Variants in ALDH1A1 observed in about 807,000 individuals in gnomAD.
ALDH1A1 encodes the protein aldehyde dehydrogenase 1A1.
In ALDH1A1, 19 loss-of-function variants were observed where a neutral mutation model predicts 62.1. The observed-to-expected ratio is 0.31, with a 90% CI of 0.21 to 0.45. The LOEUF is 0.45. Among genes scored for constraint, ALDH1A1 ranks in the 20% least tolerant of loss-of-function variants. The pLI, the probability that ALDH1A1 is intolerant of heterozygous loss-of-function variation, is 1.00. For missense variants in ALDH1A1, 521 were observed against 607.1 expected, an observed-to-expected ratio of 0.86 and a Z score of 1.49; for synonymous variants, 231 against 215.9, an observed-to-expected ratio of 1.07 and a Z score of -0.61.
intron 2 of ALDH1A1, among the ~76,000 whole-genome samples, chr9:72,939,665 G>A (rs936216495): frequency 6.6e-6 from 1 of 151,472 alleles, no homozygotes; most frequent in Non-Finnish European, 1.5e-5. Context: ...TTAGAGGCAT[G>A]TGCCACCATG....
rs556458275 is a variant in ALDH1A1 at position 72,943,130 on chromosome 9, A to G, written c.67-2878T>C. ...TTTTGTACCTGTAAACTAAGGGAAC[A>G]CAGATTTCATTTTGGCAGAGATCCA... On this transcript the variant is annotated intron_variant, in intron 1 of 12. Transcript: ENST00000297785. 1.9e-3 allele frequency among the ~76,000 whole-genome samples: 282 copies of G among 152,284 alleles called. 1 individual carries two copies. Among genetic ancestry groups the G allele is most frequent in the Middle Eastern group, 3.4e-3 (1 of 294 alleles).
At chr9:72,952,448 G>T (rs1830555176) in intron 1 of ALDH1A1, among the ~76,000 whole-genome samples, 1 of 151,930 alleles carries the variant, frequency 6.6e-6, no homozygotes, top group Non-Finnish European at 1.5e-5. Flanking sequence ...GAAGATTTTC[G>T]AATCCAATTA....
Position 72,905,951 on chromosome 9 carries a change from A to C in ALDH1A1, c.1433+7T>G, listed in dbSNP as rs201658437. On this transcript the variant is annotated splice_region_variant and intron_variant, in intron 12 of 12. Coordinates refer to ENST00000297785, the MANE Select transcript of ALDH1A1 (RefSeq NM_000689.5). ...AAATATTTATCTTAATAGAACGTTA[A>C]TCTTACAGTTCTCTTCCATTTCCAG... The C allele has an allele frequency of 1.3e-4, 215 of 1,595,802 alleles. No individual in the cohort carries two copies. Among genetic ancestry groups the C allele is most frequent in the Non-Finnish European group, 1.8e-4 (210 of 1,166,324 alleles).
chr9:72,935,853 C>T (rs1830340683), intron 2 of ALDH1A1, among the ~76,000 whole-genome samples: 1 of 152,152 alleles, frequency 6.6e-6, no homozygotes, highest in Non-Finnish European at 1.5e-5. Flanking sequence ...ATTAGGTTTA[C>T]TGTGACTATG....
Position 72,936,822 on chromosome 9 carries a change from CCT to C in ALDH1A1, c.171+3324_171+3325del, listed in dbSNP as rs561659017. Among the ~76,000 whole-genome samples, 150 of 152,182 alleles carry C rather than the reference CCT, an allele frequency of 9.9e-4. 1 individual carries two copies. Among genetic ancestry groups the C allele is most frequent in the African/African-American group, 3.3e-3 (136 of 41,512 alleles). Reference sequence around the variant, plus strand: ...TCTTAGGTGTCAAAACTCTTTGACCCCTGTTAAATGTTAACGCTTGAGAGGAG... The same window carrying C: ...TCTTAGGTGTCAAAACTCTTTGACCCGTTAAATGTTAACGCTTGAGAGGAG... On this transcript the variant is annotated intron_variant, in intron 2 of 12. Transcript: ENST00000297785.
At chr9:72,903,966 A>G (rs1471857642) in intron 12 of ALDH1A1, among the ~76,000 whole-genome samples, 1 of 152,110 alleles carries the variant, frequency 6.6e-6, no homozygotes, top group African/African-American at 2.4e-5. Context: ...CAGTAATAGA[A>G]AGAGAAGAAA....
At chr9:72,911,818 TC>T (rs1829994051) in intron 10 of ALDH1A1, 139 bp downstream of exon 10, 1 of 984,994 alleles carries the variant, frequency 1.0e-6, no homozygotes, top group Admixed American at 2.6e-5. Context: ...AACTTAAACC[TC>T]TATCAAGAAC....
At chr9:72,920,718 CA>C (rs1830129177) in intron 7 of ALDH1A1, among the ~76,000 whole-genome samples, 1 of 152,122 alleles carries the variant, frequency 6.6e-6, no homozygotes, top group African/African-American at 2.4e-5. Flanking sequence ...AAAGTCAAAA[CA>C]AAGAGACATT....
chr9:72,929,676 G>T (rs1442398896), intron 3 of ALDH1A1, among the ~76,000 whole-genome samples: 2 of 152,170 alleles, frequency 1.3e-5, no homozygotes, highest in Non-Finnish European at 1.5e-5. Context: ...CTCTTCTTAA[G>T]CAGGACCTTA....
chr9:72,927,573 G>C (rs1016373202), intron 4 of ALDH1A1, among the ~76,000 whole-genome samples: 9 of 152,116 alleles, frequency 5.9e-5, no homozygotes, highest in African/African-American at 1.7e-4. Context: ...TTATAAAAAA[G>C]GGACGAGAAA....
At chr9:72,922,898 G>A (rs1299768932) in intron 7 of ALDH1A1, among the ~76,000 whole-genome samples, 3 of 152,136 alleles carry the variant, frequency 2.0e-5, no homozygotes, top group South Asian at 4.1e-4. Flanking sequence ...CTCTACGTCT[G>A]TGAAAAACAA....
rs568567960 is a variant in ALDH1A1 at position 72,901,401 on chromosome 9, C to T, written c.1434-121G>A. ...TGGCTAGGGACAATAGAAAATATTT[C>T]TTGTGTACAGAGCATTTTATATAGT... On this transcript the variant is annotated intron_variant, in intron 12 of 12. Transcript: ENST00000297785. 28 of 624,520 alleles carry T rather than the reference C, an allele frequency of 4.5e-5. No individual in the cohort carries two copies. The South Asian group carries it at 6.9e-4, about 15-fold the overall frequency. 38.7% of individuals were successfully genotyped at this position (624,520 alleles called of 1,614,324 possible). A position where few individuals can be genotyped will look rare whatever the true frequency, so the allele number is the denominator to read the frequency against.
chr9:72,938,888 AC>A (rs1830379055), intron 2 of ALDH1A1, among the ~76,000 whole-genome samples: 2 of 151,568 alleles, frequency 1.3e-5, no homozygotes, highest in Non-Finnish European at 1.5e-5. Context: ...GATTACAGGA[AC>A]CCACCACCAT....
intron 1 of ALDH1A1, among the ~76,000 whole-genome samples, chr9:72,946,302 G>A (rs1309091737): frequency 6.6e-6 from 1 of 151,982 alleles, no homozygotes; most frequent in Admixed American, 6.6e-5. Flanking sequence ...TATCGATAGA[G>A]CAGTGGAAAT....
At chr9:72,938,818 C>CT (rs1239348946) in intron 2 of ALDH1A1, among the ~76,000 whole-genome samples, 1 of 151,864 alleles carries the variant, frequency 6.6e-6, no homozygotes, top group Non-Finnish European at 1.5e-5. Flanking sequence ...TCTTGGCTCA[C>CT]TGCAACCTCT....
rs1008057898 is a variant in ALDH1A1, at chr9:72,909,546, G to T, written c.1358+56C>A. The T allele has an allele frequency of 2.7e-6, 4 of 1,474,798 alleles. No homozygotes were observed. In the Admixed American group the frequency reaches 6.8e-5, roughly 25 times the overall value. 91.4% of individuals were successfully genotyped at this position (1,474,798 alleles called of 1,614,324 possible). A position where few individuals can be genotyped will look rare whatever the true frequency, so the allele number is the denominator to read the frequency against. On this transcript the variant is annotated intron_variant, in intron 11 of 12. Transcript: ENST00000297785. ...TCCAAGTCTGAAAAAGTTCAAGGTA[G>T]TAATCTGTTAATGTGGTTATTACTG...
Position 72,905,952 on chromosome 9 carries a change from T to A in ALDH1A1, c.1433+6A>T. The A allele has an allele frequency of 6.3e-7, 1 of 1,592,284 alleles. No individual in the cohort carries two copies. The highest frequency in any genetic ancestry group is 8.6e-7 in the Non-Finnish European group (1 of 1,163,124). ...AATATTTATCTTAATAGAACGTTAA[T>A]CTTACAGTTCTCTTCCATTTCCAGA... On this transcript the variant is annotated splice_donor_region_variant and intron_variant, in intron 12 of 12. Transcript: ENST00000297785.
At chr9:72,903,775 C>T (rs375873356) in intron 12 of ALDH1A1, among the ~76,000 whole-genome samples, 16 of 152,054 alleles carry the variant, frequency 1.1e-4, no homozygotes, top group South Asian at 4.1e-4. Flanking sequence ...TTATGTTCAA[C>T]GAAATTGACA....
At chr9:72,943,008 C>T (rs749368377) in intron 1 of ALDH1A1, among the ~76,000 whole-genome samples, 1 of 152,052 alleles carries the variant, frequency 6.6e-6, no homozygotes, top group Non-Finnish European at 1.5e-5. Flanking sequence ...CGATACCTGC[C>T]GTAGACTTTT....
Sources: gnomAD v4.1 joint callset for allele counts (sites outside exome capture counted in the v4.1 genomes callset) on GRCh38, gnomAD v4.1.1 for gene constraint, MANE v1.5 for transcripts, NCBI Gene and HGNC (gene_info 2026-07-23, HGNC 2026-07-21) for gene names.